Variants in DLGAP3 observed in about 807,000 individuals in gnomAD.
The protein encoded by DLGAP3 is DLG associated protein 3.
In DLGAP3, 17 loss-of-function variants were observed where a neutral mutation model predicts 81.2. The observed-to-expected ratio is 0.21, with a 90% CI of 0.14 to 0.31. The LOEUF is 0.31. DLGAP3 is among the 10% of genes least tolerant of loss of function. The pLI, the probability that DLGAP3 is intolerant of heterozygous loss-of-function variation, is 1.00. For missense variants in DLGAP3, 1,124 were observed against 1,388.0 expected, an observed-to-expected ratio of 0.81 and a Z score of 3.02; for synonymous variants, 577 against 587.4, an observed-to-expected ratio of 0.98 and a Z score of 0.26.
rs148311624 is a variant in DLGAP3, at chr1:34,918,131, TACAG to T, written c.-134-10698_-134-10695del. ...TCAGAGGAACTCTGCCAGCCAGGCA[TACAG>T]ACAGACAGACAGACAGGCATGGTTC... On this transcript the variant is annotated intron_variant, in intron 1 of 11. Coordinates refer to ENST00000373347, the MANE Select transcript of DLGAP3 (RefSeq NM_001080418.3). Among the ~76,000 whole-genome samples the T allele has an allele frequency of 1.7e-3, 256 of 152,046 alleles. 3 individuals are homozygous for T. Among genetic ancestry groups the T allele is most frequent in the African/African-American group, 5.3e-3 (218 of 41,482 alleles).
At chr1:34,880,889 C>T (rs574923317) in intron 8 of DLGAP3, among the ~76,000 whole-genome samples, 1 of 152,158 alleles carries the variant, frequency 6.6e-6, no homozygotes, top group South Asian at 2.1e-4. Flanking sequence ...TCAATAATCA[C>T]TAAAGAAACT....
At position 34,909,732 on chromosome 1, in the gene DLGAP3, T is replaced by C. The variant is rs115845010; in HGVS notation, c.-134-2295A>G. On this transcript the variant is annotated intron_variant, in intron 1 of 11. Transcript: ENST00000373347. The stretch of plus-strand genomic sequence containing the variant: ...ATTCCTCCCCCCACATCACCCACCT[T>C]CACTCCATTACTAAACAAAATCAAT... Among the ~76,000 whole-genome samples, 1,374 of 152,192 alleles carry C rather than the reference T, an allele frequency of 9.0e-3. 18 individuals carry two copies. The highest frequency in any genetic ancestry group is 0.031 in the African/African-American group (1,267 of 41,506).
At chr1:34,928,343 G>A (rs553943124) in intron 1 of DLGAP3, among the ~76,000 whole-genome samples, 1 of 152,110 alleles carries the variant, frequency 6.6e-6, no homozygotes, top group East Asian at 1.9e-4. Flanking sequence ...AAACATTATT[G>A]AGATGACACA....
chr1:34,908,352 G>A (rs867175887), intron 1 of DLGAP3, among the ~76,000 whole-genome samples: 1 of 152,216 alleles, frequency 6.6e-6, no homozygotes, highest in South Asian at 2.1e-4. Flanking sequence ...GTTTGTGATG[G>A]AGTACAAGAT....
chr1:34,866,441 C>T (rs897621479), intron 11 of DLGAP3, 140 bp from the exon 12 acceptor site: 1 of 701,208 alleles, frequency 1.4e-6, no homozygotes, highest in Non-Finnish European at 2.3e-6. Flanking sequence ...CCACGGATCC[C>T]GTGACCTGAA....
intron 8 of DLGAP3, among the ~76,000 whole-genome samples, chr1:34,881,762 C>T (rs557692911): frequency 6.6e-6 from 1 of 152,246 alleles, no homozygotes; most frequent in African/African-American, 2.4e-5. Context: ...CACCATGTTA[C>T]ACATGGAAGG....
At chr1:34,869,144 C>T in intron 8 of DLGAP3, 55 bp from the exon 9 acceptor site, 1 of 1,331,894 alleles carries the variant, frequency 7.5e-7, no homozygotes, top group Non-Finnish European at 1.0e-6. Flanking sequence ...CCAGCTCTCA[C>T]CCCCACCCCA....
At chr1:34,875,777 AT>A (rs1639041387) in intron 8 of DLGAP3, among the ~76,000 whole-genome samples, 1 of 152,240 alleles carries the variant, frequency 6.6e-6, no homozygotes, top group African/African-American at 2.4e-5. Context: ...CTGATTAAGT[AT>A]GTTCTCTCTC....
rs11264136 is a variant in DLGAP3, at chr1:34,881,426, A to T, written c.2000+3552T>A. ...ATGAAACTGGTTGTGTGTAACTTGC[A>T]GGAAGTCTTTTTAAAAAGGATGGAC... On this transcript the variant is annotated intron_variant, in intron 8 of 11. Coordinates refer to ENST00000373347, the MANE Select transcript of DLGAP3 (RefSeq NM_001080418.3). 9.7e-3 allele frequency among the ~76,000 whole-genome samples: 1,479 copies of T among 152,286 alleles called. 31 individuals carry two copies. Among genetic ancestry groups the T allele is most frequent in the African/African-American group, 0.034 (1,405 of 41,560 alleles).
chr1:34,905,129 A>G lies in DLGAP3; in HGVS notation c.255T>C (p.Gly85=). The change falls in exon 3 of 12, where the codon GGT becomes GGC. Residue 85 remains glycine (G), a synonymous_variant. Transcript: ENST00000373347. ...GGPAGAGVGG[G]SSTFPRMYPG... ...GGTACATCCTGGGGAAGGTGCTGCTACCCCCCCCAACCCCGGCCCCCGCTG... is the reference window on the plus strand; with the variant it reads ...GGTACATCCTGGGGAAGGTGCTGCTGCCCCCCCCAACCCCGGCCCCCGCTG... 6.4e-7 allele frequency: 1 copy of G among 1,559,722 alleles called. No individual in the cohort carries two copies.
chr1:34,920,791 C>A (rs1164982447), intron 1 of DLGAP3, among the ~76,000 whole-genome samples: 3 of 152,146 alleles, frequency 2.0e-5, no homozygotes, highest in Non-Finnish European at 1.5e-5. Flanking sequence ...ACTGTAGATA[C>A]AGCAATGAAC....
In DLGAP3 at chr1:34,884,391, G is replaced by C. The variant is rs1639188862; in HGVS notation, c.2000+587C>G. On this transcript the variant is annotated intron_variant, in intron 8 of 11. Transcript: ENST00000373347. ...CAGAGCTGGCAATGCTAATTCTTCAGTGAAAATTAAGGAGTCAATGTTTCT... is the reference window on the plus strand; with the variant it reads ...CAGAGCTGGCAATGCTAATTCTTCACTGAAAATTAAGGAGTCAATGTTTCT... Among the ~76,000 whole-genome samples, 3 of 151,992 alleles carry C rather than the reference G, an allele frequency of 2.0e-5. No homozygotes were observed. The South Asian group carries it at 6.2e-4, about 31-fold the overall frequency.
chr1:34,916,855 C>T (rs906039173), intron 1 of DLGAP3, among the ~76,000 whole-genome samples: 5 of 152,204 alleles, frequency 3.3e-5, no homozygotes, highest in East Asian at 1.9e-4. Context: ...GCCGCCACGT[C>T]TGGCTAATTC....
Position 34,905,041 on chromosome 1 carries a change from G to A in DLGAP3, c.343C>T (p.Pro115Ser). ...CVGHPQGKGA[P>S]RLPPTLLDQF... ...TCCAGGAGTGTAGGAGGCAGGCGGG[G>A]GGCACCCTTGCCCTGTGGGTGGCCC... The change falls in exon 3 of 12, where the codon CCC becomes TCC. Residue 115 changes from proline (P) to serine (S), a missense_variant. Around this residue, in one of 9 missense-constraint regions of DLGAP3, gnomAD observed 167 missense variants for 172.1 expected, o/e 0.97. Coordinates refer to ENST00000373347, the MANE Select transcript of DLGAP3 (RefSeq NM_001080418.3). The A allele has an allele frequency of 1.2e-6, 2 of 1,603,052 alleles. No homozygotes were observed. Among genetic ancestry groups the A allele is most frequent in the Non-Finnish European group, 8.5e-7 (1 of 1,174,932 alleles).
At chr1:34,885,905 G>A in intron 6 of DLGAP3, 114 bp from the exon 7 acceptor site, 1 of 1,138,896 alleles carries the variant, frequency 8.8e-7, no homozygotes, top group South Asian at 1.6e-5. Context: ...GCAGCGGCGC[G>A]CACTCCACAT....
chr1:34,870,537 C>A (rs1009944173), intron 8 of DLGAP3, among the ~76,000 whole-genome samples: 3 of 152,184 alleles, frequency 2.0e-5, no homozygotes, highest in Non-Finnish European at 4.4e-5. Context: ...CTCCAGCTGG[C>A]AGGCTGCCTG....
At chr1:34,906,631 G>A (rs991500329) in intron 2 of DLGAP3, among the ~76,000 whole-genome samples, 2 of 150,262 alleles carry the variant, frequency 1.3e-5, no homozygotes, top group African/African-American at 4.8e-5. Flanking sequence ...TTCCACTGGA[G>A]GGGAATCATG....
At position 34,901,685 on chromosome 1, in the gene DLGAP3, TAG is replaced by T. The variant is rs1211923457; in HGVS notation, c.1108-1414_1108-1413del. 7.9e-5 allele frequency among the ~76,000 whole-genome samples: 12 copies of T among 152,288 alleles called. No homozygotes were observed. In the South Asian group the frequency reaches 1.7e-3, roughly 21 times the overall value. ...GGCACTGAAAAGTAGCTTTTGAAGA[TAG>T]CGCTCAAGAGATCATCTGTGGCCAC... On this transcript the variant is annotated intron_variant, in intron 3 of 11. Coordinates refer to ENST00000373347, the MANE Select transcript of DLGAP3 (RefSeq NM_001080418.3).
At chr1:34,915,681 G>A (rs1466110327) in intron 1 of DLGAP3, among the ~76,000 whole-genome samples, 1 of 152,200 alleles carries the variant, frequency 6.6e-6, no homozygotes, top group East Asian at 1.9e-4. Context: ...TTGGCTGACT[G>A]CCAGGTTCAC....
Sources: gnomAD v4.1 joint callset for allele counts (sites outside exome capture counted in the v4.1 genomes callset) on GRCh38, gnomAD v4.1.1 for gene constraint, gnomAD v4.1.1 regional missense constraint, MANE v1.5 for transcripts, NCBI Gene and HGNC (gene_info 2026-07-23, HGNC 2026-07-21) for gene names.